The following GPHN variants were observed in gnomAD, a reference collection of about 807,000 sequenced individuals.
GPHN encodes gephyrin.
In GPHN, 17 loss-of-function variants were observed where a neutral mutation model predicts 95.5. The ratio of observed to expected loss-of-function variants is 0.18; its 90% CI spans 0.12 to 0.27. The LOEUF (loss-of-function observed/expected upper bound fraction) is 0.27, where lower values mean the gene tolerates loss of function less well. Ranked by LOEUF, GPHN falls within the 10% of genes least tolerant of loss-of-function variation. GPHN has a pLI of 1.00. For missense variants in GPHN, 660 were observed against 978.1 expected, an observed-to-expected ratio of 0.67 and a Z score of 4.34; for synonymous variants, 320 against 322.5, an observed-to-expected ratio of 0.99 and a Z score of 0.08.
the GPHN span, among the ~76,000 whole-genome samples, chr14:67,306,675 TTC>T: frequency 6.6e-6 from 1 of 152,150 alleles, no homozygotes; most frequent in Non-Finnish European, 1.5e-5. Flanking sequence ...GCCCCTTCTT[TTC>T]TCTTTTTATT....
At chr14:67,209,216 C>T in the GPHN span, among the ~76,000 whole-genome samples, 22 of 152,288 alleles carry the variant, frequency 1.4e-4, no homozygotes, top group Non-Finnish European at 3.1e-4. Flanking sequence ...AAGTCCATAT[C>T]TCATGGAGTG....
At chr14:66,987,614 A>C (rs1236402468) in intron 9 of GPHN, among the ~76,000 whole-genome samples, 2 of 152,088 alleles carry the variant, frequency 1.3e-5, no homozygotes, top group African/African-American at 2.4e-5. Flanking sequence ...TAATATTTAA[A>C]TATCTTTACT....
At chr14:67,078,317 T>C (rs969463460) in intron 11 of GPHN, among the ~76,000 whole-genome samples, 1 of 152,208 alleles carries the variant, frequency 6.6e-6, no homozygotes. Flanking sequence ...AAATTTTGCT[T>C]ATGTTTTTCT....
the GPHN span, chr14:67,380,623 C>T: frequency 2.4e-6 from 3 of 1,232,198 alleles, no homozygotes; most frequent in Non-Finnish European, 3.4e-6. Flanking sequence ...GTAATATAAC[C>T]TTGACCTTTT....
At chr14:66,546,839 T>A (rs924349886) in intron 1 of GPHN, among the ~76,000 whole-genome samples, 1 of 151,900 alleles carries the variant, frequency 6.6e-6, no homozygotes, top group Non-Finnish European at 1.5e-5. Context: ...CGTGTAACCT[T>A]TGTAACTTCA....
intron 3 of GPHN, among the ~76,000 whole-genome samples, chr14:66,813,310 G>C (rs1229046217): frequency 6.6e-6 from 1 of 152,238 alleles, no homozygotes; most frequent in East Asian, 1.9e-4. Context: ...AAGTGGAACA[G>C]CTCCCATGGA....
chr14:67,510,661 T>C, the GPHN span, among the ~76,000 whole-genome samples: 4 of 152,132 alleles, frequency 2.6e-5, no homozygotes, highest in South Asian at 2.1e-4. Flanking sequence ...AGAAAGTAGA[T>C]GAAAGTAAGA....
At chr14:67,389,138 C>G in the GPHN span, among the ~76,000 whole-genome samples, 14 of 152,118 alleles carry the variant, frequency 9.2e-5, no homozygotes, top group Middle Eastern at 3.4e-3. Flanking sequence ...GCCTCAGGCC[C>G]TAGGAGCCCT....
At chr14:66,835,854 A>G (rs1163807376) in intron 4 of GPHN, among the ~76,000 whole-genome samples, 1 of 151,974 alleles carries the variant, frequency 6.6e-6, no homozygotes, top group Non-Finnish European at 1.5e-5. Context: ...TGCTTCAAAC[A>G]GAATAAAATA....
intron 3 of GPHN, among the ~76,000 whole-genome samples, chr14:66,813,972 G>A (rs374076330): frequency 3.3e-5 from 5 of 152,240 alleles, no homozygotes; most frequent in South Asian, 4.1e-4. Flanking sequence ...CAGCCTGCAC[G>A]CTCCCTCCCC....
intron 1 of GPHN, among the ~76,000 whole-genome samples, chr14:66,620,974 T>C (rs1169846060): frequency 1.3e-5 from 2 of 152,132 alleles, no homozygotes; most frequent in African/African-American, 4.8e-5. Flanking sequence ...ATCAAATCTT[T>C]TTTTTTGAGA....
the GPHN span, among the ~76,000 whole-genome samples, chr14:67,329,277 T>G: frequency 6.6e-6 from 1 of 151,680 alleles, no homozygotes; most frequent in Non-Finnish European, 1.5e-5. Context: ...GGCTCTCTCT[T>G]TGTCTGTTAT....
rs1357877234 is a variant in GPHN at position 67,029,819 on chromosome 14, A to G, written c.1006+6144A>G. Among the ~76,000 whole-genome samples the G allele has an allele frequency of 2.0e-5, 3 of 152,224 alleles. No individual in the cohort carries two copies. The East Asian group carries it at 5.8e-4, about 29-fold the overall frequency. On this transcript the variant is annotated intron_variant, in intron 10 of 22. Transcript: ENST00000478722. ...TAAGAAAATGGATGCATTTAGGACT[A>G]TGATTAGGGTATAAGAGGAAGGGAA...
At chr14:66,986,575 T>G (rs1221126112) in intron 9 of GPHN, among the ~76,000 whole-genome samples, 1 of 152,132 alleles carries the variant, frequency 6.6e-6, no homozygotes, top group African/African-American at 2.4e-5. Context: ...CATTTAATGC[T>G]GCCACCTTAA....
the GPHN span, among the ~76,000 whole-genome samples, chr14:67,193,629 C>A: frequency 6.9e-6 from 1 of 144,698 alleles, no homozygotes; most frequent in Non-Finnish European, 1.5e-5. Flanking sequence ...ATATATCTAT[C>A]TATATAGATA....
At chr14:67,479,610 C>T in the GPHN span, among the ~76,000 whole-genome samples, 2 of 151,796 alleles carry the variant, frequency 1.3e-5, no homozygotes, top group African/African-American at 2.4e-5. Flanking sequence ...CCCAGCTACT[C>T]GGGAGGCTGA....
intron 2 of GPHN, among the ~76,000 whole-genome samples, chr14:66,689,369 C>T (rs988577283): frequency 5.3e-5 from 8 of 152,134 alleles, no homozygotes; most frequent in Non-Finnish European, 4.4e-5. Context: ...TAAACCATCC[C>T]ATTTATCTCA....
the GPHN span, among the ~76,000 whole-genome samples, chr14:67,371,941 G>A: frequency 6.6e-6 from 1 of 152,178 alleles, no homozygotes; most frequent in Non-Finnish European, 1.5e-5. Flanking sequence ...CAAGTGGAGT[G>A]TATGGAATGC....
At chr14:66,750,000 A>G (rs915707620) in intron 2 of GPHN, among the ~76,000 whole-genome samples, 3 of 151,852 alleles carry the variant, frequency 2.0e-5, no homozygotes, top group Admixed American at 6.6e-5. Context: ...CAAACAATCC[A>G]TTTATACTCT....
Sources: gnomAD v4.1 joint callset for allele counts (sites outside exome capture counted in the v4.1 genomes callset) on GRCh38, gnomAD v4.1.1 for gene constraint, MANE v1.5 for transcripts, NCBI Gene and HGNC (gene_info 2026-07-23, HGNC 2026-07-21) for gene names.